MTMR12: variants seen among roughly 807,000 people sequenced by gnomAD.
The protein encoded by MTMR12 is myotubularin related protein 12, also known as myotubularin-related protein 12.
In MTMR12, 33 loss-of-function variants were observed where a neutral mutation model predicts 96.7. The observed-to-expected ratio is 0.34, with a 90% CI of 0.26 to 0.46. MTMR12 has a LOEUF of 0.46. MTMR12 is among the 20% of genes least tolerant of loss of function. The pLI is 1.00. For synonymous variants in MTMR12, 298 were observed against 327.2 expected, an observed-to-expected ratio of 0.91 and a Z score of 0.96; for missense variants, 721 against 896.1, an observed-to-expected ratio of 0.80 and a Z score of 2.49.
Position 32,228,246 on chromosome 5 carries a change from T to TGA in MTMR12, c.*1530_*1531dup, listed in dbSNP as rs1350837449. The TGA allele has an allele frequency of 5.3e-5, 8 of 152,098 alleles. No homozygotes were observed. The highest frequency in any genetic ancestry group is 5.2e-4 in the Admixed American group (8 of 15,256). The allele number at this position is 152,098 out of a possible 1,614,324, so 9.4% of individuals were successfully genotyped here. ...CCTGGGCTCAAGCAATTCGCCCACC[T>TGA]GAGCCTCCCAAAGTGCTGGGATTAC... is the stretch of plus-strand genomic sequence containing the variant. On this transcript the variant is annotated 3_prime_UTR_variant, in exon 16 of 16. Coordinates refer to ENST00000382142, the MANE Select transcript of MTMR12 (RefSeq NM_001040446.3).
intron 10 of MTMR12, among the ~76,000 whole-genome samples, chr5:32,246,218 G>A (rs116783019): frequency 0.016 from 2,265 of 141,898 alleles, 30 homozygotes; most frequent in Non-Finnish European, 0.024. Flanking sequence ...CCAAGCTGGA[G>A]AGCAGTAGCG....
intron 1 of MTMR12, among the ~76,000 whole-genome samples, chr5:32,298,847 G>A (rs1485501685): frequency 2.6e-5 from 4 of 151,816 alleles, no homozygotes; most frequent in Non-Finnish European, 4.4e-5. Context: ...CAGCTACTCT[G>A]GAGGCTGAGG....
At chr5:32,247,864 C>T in intron 10 of MTMR12, 138 bp downstream of exon 10, 6 of 1,387,938 alleles carry the variant, frequency 4.3e-6, no homozygotes, top group Non-Finnish European at 5.7e-6. Flanking sequence ...AGCCAGACCC[C>T]TGGCTCCATG....
At chr5:32,247,924 G>A (rs1748764818) in intron 10 of MTMR12, 78 bp downstream of exon 10, 1 of 1,542,878 alleles carries the variant, frequency 6.5e-7, no homozygotes, top group Admixed American at 1.8e-5. Context: ...CCAGGGAAAA[G>A]GCACCAACTT....
chr5:32,292,753 A>G (rs1225027556), intron 1 of MTMR12, among the ~76,000 whole-genome samples: 2 of 122,368 alleles, frequency 1.6e-5, no homozygotes, highest in East Asian at 5.9e-4. Flanking sequence ...GGGTCACTCC[A>G]CTAGGGAAAA....
At chr5:32,290,384 G>T (rs1750695702) in intron 1 of MTMR12, among the ~76,000 whole-genome samples, 1 of 152,070 alleles carries the variant, frequency 6.6e-6, no homozygotes, top group Admixed American at 6.6e-5. Flanking sequence ...TCAGAGGATG[G>T]GAACTAAATC....
intron 8 of MTMR12, among the ~76,000 whole-genome samples, chr5:32,254,853 AAAAATAAAAACAAAAC>A (rs1224921029): frequency 6.6e-6 from 1 of 152,222 alleles, no homozygotes; most frequent in Admixed American, 6.5e-5. Context: ...TAAAAAAAAC[AAAAATAAAAACAAAAC>A]AAAACAAAAA....
At chr5:32,251,033 G>A (rs1445677810) in intron 8 of MTMR12, among the ~76,000 whole-genome samples, 1 of 151,042 alleles carries the variant, frequency 6.6e-6, no homozygotes, top group African/African-American at 2.4e-5. Flanking sequence ...CTCATTATTC[G>A]GTACATTTTA....
chr5:32,262,232 C>A lies in MTMR12; in HGVS notation c.713+881G>T, dbSNP rs537478896. Among the ~76,000 whole-genome samples, 3 of 152,238 alleles carry A rather than the reference C, an allele frequency of 2.0e-5. No individual in the cohort carries two copies. In the East Asian group the frequency reaches 5.8e-4, roughly 29 times the overall value. ...ACAAATTTCCACAGGATCTGGCAGT[C>A]CACTTCTAGGTAATATACCCAAGAA... On this transcript the variant is annotated intron_variant, in intron 7 of 15. Coordinates refer to ENST00000382142, the MANE Select transcript of MTMR12 (RefSeq NM_001040446.3).
At chr5:32,274,819 A>G (rs1293641601) in intron 2 of MTMR12, among the ~76,000 whole-genome samples, 3 of 152,152 alleles carry the variant, frequency 2.0e-5, no homozygotes, top group African/African-American at 7.2e-5. Flanking sequence ...CACCCAGCCG[A>G]CGTGAGAAGC....
intron 7 of MTMR12, among the ~76,000 whole-genome samples, chr5:32,256,740 A>G (rs1483452939): frequency 1.3e-5 from 2 of 152,246 alleles, no homozygotes; most frequent in Non-Finnish European, 1.5e-5. Context: ...TGGCATTTGT[A>G]TGCATGCTGC....
chr5:32,259,494 C>T (rs143718879), intron 7 of MTMR12, among the ~76,000 whole-genome samples: 7 of 152,314 alleles, frequency 4.6e-5, no homozygotes, highest in African/African-American at 1.7e-4. Flanking sequence ...GGGGCTTTTC[C>T]TTCTGTCTCC....
In MTMR12 at chr5:32,273,935, C is replaced by T. The variant is rs751365393; in HGVS notation, c.285+45G>A. The T allele has an allele frequency of 3.1e-6, 5 of 1,610,534 alleles. No individual in the cohort carries two copies. The African/African-American group carries it at 5.3e-5, about 17-fold the overall frequency. On this transcript the variant is annotated intron_variant, in intron 3 of 15. Coordinates refer to ENST00000382142, the MANE Select transcript of MTMR12 (RefSeq NM_001040446.3). ...GGAAAAAAAGACAACGGAACCACAA[C>T]CACACTGTTGCCCACAAACTCTGCC...
intron 1 of MTMR12, among the ~76,000 whole-genome samples, chr5:32,299,070 TACAC>T (rs1751034384): frequency 6.7e-6 from 1 of 148,392 alleles, no homozygotes; most frequent in African/African-American, 2.5e-5. Context: ...CACACACACA[TACAC>T]ATACACACAC....
intron 8 of MTMR12, among the ~76,000 whole-genome samples, chr5:32,251,095 G>A (rs532426006): frequency 5.5e-4 from 74 of 134,992 alleles, no homozygotes; most frequent in South Asian, 2.1e-3. Context: ...TCGCTCTGTC[G>A]CCCAGGCTGG....
At chr5:32,259,457 GA>G (rs1414294681) in intron 7 of MTMR12, among the ~76,000 whole-genome samples, 1 of 152,204 alleles carries the variant, frequency 6.6e-6, no homozygotes, top group African/African-American at 2.4e-5. Context: ...TACCCAAACT[GA>G]CGCAGGTCCC....
At chr5:32,265,220 G>A (rs1426542510) in intron 6 of MTMR12, among the ~76,000 whole-genome samples, 5 of 152,166 alleles carry the variant, frequency 3.3e-5, no homozygotes, top group East Asian at 1.9e-4. Context: ...TAGCATCTAC[G>A]AGTTATAACC....
chr5:32,264,564 G>A (rs982964605), intron 6 of MTMR12, among the ~76,000 whole-genome samples: 2 of 151,842 alleles, frequency 1.3e-5, no homozygotes, highest in Admixed American at 6.6e-5. Flanking sequence ...AGGTTCAAGC[G>A]ATTCTCCTGC....
chr5:32,234,917 A>G (rs757185598), intron 14 of MTMR12, 45 bp downstream of exon 14: 1 of 1,529,624 alleles, frequency 6.5e-7, no homozygotes, highest in Non-Finnish European at 8.9e-7. Flanking sequence ...CCTACTTGTG[A>G]GAAGAAGCCT....
Sources: allele counts gnomAD v4.1 joint callset (sites outside exome capture counted in the v4.1 genomes callset), GRCh38; gene constraint gnomAD v4.1.1; transcripts MANE v1.5; gene names NCBI Gene and HGNC (gene_info 2026-07-23, HGNC 2026-07-21).